OR10R2: variants seen among roughly 807,000 people sequenced by gnomAD.
OR10R2 encodes the protein olfactory receptor family 10 subfamily R member 2.
Under a neutral mutation model 2.4 loss-of-function variants are expected in OR10R2, and 1 was observed. That is an observed-to-expected ratio of 0.41 (90% CI 0.15 to 1.95). The LOEUF is 1.95. OR10R2 is among the 30% of genes most tolerant of loss of function. The pLI, the probability that OR10R2 is intolerant of heterozygous loss-of-function variation, is 0.30. For synonymous variants in OR10R2, 166 were observed against 144.8 expected (o/e 1.15, Z -1.05); for missense variants, 419 against 373.0 (o/e 1.12, Z -1.01).
chr1:158,478,888 A>T (rs1216953626), intron 1 of OR10R2, among the ~76,000 whole-genome samples: 2 of 152,162 alleles, frequency 1.3e-5, no homozygotes, highest in African/African-American at 4.8e-5. Flanking sequence ...AACCTAATTC[A>T]ATCCATCTAT....
chr1:158,476,989 A>T (rs181829615), intron 1 of OR10R2, among the ~76,000 whole-genome samples: 10 of 152,240 alleles, frequency 6.6e-5, no homozygotes, highest in African/African-American at 2.4e-4. Context: ...CCTTTGTCTG[A>T]TGCATAGTTT....
At chr1:158,480,815 G>A (rs1251345143) in exon 2 of OR10R2, 2 of 1,607,806 alleles carry the variant, frequency 1.2e-6, no homozygotes, top group East Asian at 4.5e-5. Context: ...TATAGCCTCA[G>A]AAACAAGGAT....
At chr1:158,472,610 C>T (rs1014209275) in intron 1 of OR10R2, among the ~76,000 whole-genome samples, 18 of 152,136 alleles carry the variant, frequency 1.2e-4, no homozygotes, top group Non-Finnish European at 7.3e-5. Flanking sequence ...AATCTTAGGA[C>T]ATATTTATGT....
chr1:158,474,037 T>C (rs1405337166), intron 1 of OR10R2, among the ~76,000 whole-genome samples: 1 of 152,024 alleles, frequency 6.6e-6, no homozygotes, highest in Non-Finnish European at 1.5e-5. Context: ...CTTCTTTCTT[T>C]CTTTCTTTCT....
chr1:158,477,719 C>T (rs574831013), intron 1 of OR10R2, among the ~76,000 whole-genome samples: 40 of 152,196 alleles, frequency 2.6e-4, no homozygotes, highest in African/African-American at 8.9e-4. Flanking sequence ...GTTAAAATGG[C>T]CGTACTGTCA....
At chr1:158,480,445 A>G in exon 2 of OR10R2, 2 of 1,613,934 alleles carry the variant, frequency 1.2e-6, no homozygotes, top group Non-Finnish European at 1.7e-6. Flanking sequence ...CCCTTTTTGT[A>G]GCGCCAACAA....
At chr1:158,472,764 T>C (rs903945235) in intron 1 of OR10R2, among the ~76,000 whole-genome samples, 3 of 152,056 alleles carry the variant, frequency 2.0e-5, no homozygotes, top group South Asian at 2.1e-4. Flanking sequence ...GATGGGCAGA[T>C]AAAATAATGC....
chr1:158,472,853 A>G (rs1160948645), intron 1 of OR10R2, among the ~76,000 whole-genome samples: 1 of 152,194 alleles, frequency 6.6e-6, no homozygotes, highest in Non-Finnish European at 1.5e-5. Flanking sequence ...CCCTGGCACC[A>G]GTCTTAAGAA....
At chr1:158,475,784 C>T (rs1340310622) in intron 1 of OR10R2, among the ~76,000 whole-genome samples, 2 of 151,532 alleles carry the variant, frequency 1.3e-5, no homozygotes, top group Non-Finnish European at 3.0e-5. Context: ...TTTAGCTTTT[C>T]AAATTTTCTG....
In OR10R2 at chr1:158,473,566, C is replaced by T. The variant is rs189838811; in HGVS notation, c.27+1214C>T. ...GGATCTGCCCTAACACAGGAAAAGGCATTGTTGTTATAAGACATGGCTCTT... is the reference window on the plus strand; with the variant it reads ...GGATCTGCCCTAACACAGGAAAAGGTATTGTTGTTATAAGACATGGCTCTT... On this transcript the variant is annotated intron_variant, in intron 1 of 1. Coordinates refer to ENST00000641067, the Ensembl canonical transcript of OR10R2. Among the ~76,000 whole-genome samples, 188 of 152,258 alleles carry T rather than the reference C, an allele frequency of 1.2e-3. 2 individuals carry two copies. Among genetic ancestry groups the T allele is most frequent in the Admixed American group, 2.5e-3 (38 of 15,282 alleles).
At chr1:158,479,800 G>A in intron 1 of OR10R2, 138 bp from the exon 2 acceptor site, 1 of 796,774 alleles carries the variant, frequency 1.3e-6, no homozygotes, top group Non-Finnish European at 2.1e-6. Context: ...ATGAACATGA[G>A]AGGTAGTTAG....
At chr1:158,473,774 T>TCCTCCCTCCCTCCCTCCTTCCTC in intron 1 of OR10R2, among the ~76,000 whole-genome samples, 1 of 34,272 alleles carries the variant, frequency 2.9e-5, no homozygotes, top group South Asian at 8.8e-4. Context: ...CTTCCTTCCT[T>TCCTCCCTCCCTCCCTCCTTCCTC]CCTCCCTCCT....
chr1:158,472,902 C>T (rs890009334), intron 1 of OR10R2, among the ~76,000 whole-genome samples: 1 of 152,150 alleles, frequency 6.6e-6, no homozygotes, highest in Non-Finnish European at 1.5e-5. Context: ...TTAATTAGGG[C>T]TTCTTATAAT....
exon 2 of OR10R2, chr1:158,480,043 C>T: frequency 6.2e-7 from 1 of 1,613,970 alleles, no homozygotes; most frequent in African/African-American, 1.3e-5. Context: ...TTTTCTGTAT[C>T]TAGTCATTCT....
At chr1:158,480,216 C>T (rs759298358) in exon 2 of OR10R2, 1 of 1,613,890 alleles carries the variant, frequency 6.2e-7, no homozygotes, top group African/African-American at 1.3e-5. Flanking sequence ...GGACAATCTC[C>T]TTCAACTGTT....
intron 1 of OR10R2, among the ~76,000 whole-genome samples, chr1:158,475,850 T>G (rs1455506098): frequency 6.6e-6 from 1 of 151,954 alleles, no homozygotes; most frequent in Non-Finnish European, 1.5e-5. Flanking sequence ...TATTAACATA[T>G]AAATTTTGAA....
chr1:158,473,819 T>C (rs1288425268), intron 1 of OR10R2, among the ~76,000 whole-genome samples: 470 of 118,394 alleles, frequency 4.0e-3, no homozygotes, highest in Middle Eastern at 0.013. Flanking sequence ...TCCTCCCTCC[T>C]TCCCTCTTTC....
chr1:158,476,576 A>T (rs1656276541), intron 1 of OR10R2, among the ~76,000 whole-genome samples: 1 of 143,998 alleles, frequency 6.9e-6, no homozygotes, highest in Non-Finnish European at 1.5e-5. Context: ...GAAAAAAATT[A>T]AAATAATTAA....
At chr1:158,475,057 T>C (rs1656245276) in intron 1 of OR10R2, among the ~76,000 whole-genome samples, 1 of 152,132 alleles carries the variant, frequency 6.6e-6, no homozygotes, top group African/African-American at 2.4e-5. Context: ...TCACAGCCTG[T>C]TTCATAGATG....
Sources: gnomAD v4.1 joint callset for allele counts (sites outside exome capture counted in the v4.1 genomes callset) on GRCh38, gnomAD v4.1.1 for gene constraint, MANE v1.5 for transcripts, NCBI Gene and HGNC (gene_info 2026-07-23, HGNC 2026-07-21) for gene names.